ENAH: variants seen among roughly 807,000 people sequenced by gnomAD.
The protein encoded by ENAH is protein enabled homolog.
Under a neutral mutation model 78.7 loss-of-function variants are expected in ENAH, and 23 were observed. The observed-to-expected ratio is 0.29, with a 90% confidence interval of 0.21 to 0.41. The LOEUF (loss-of-function observed/expected upper bound fraction) is 0.41, where lower values mean the gene tolerates loss of function less well. ENAH is among the 10% of genes least tolerant of loss of function. The probability of loss-of-function intolerance (pLI) is 1.00; values close to 1 mark genes in which losing one functional copy is unlikely to be tolerated. For synonymous variants in ENAH, 226 were observed against 241.0 expected, an observed-to-expected ratio of 0.94 and a Z score of 0.58; for missense variants, 544 against 691.0, an observed-to-expected ratio of 0.79 and a Z score of 2.39.
intron 3 of ENAH, among the ~76,000 whole-genome samples, chr1:225,538,549 T>A (rs2096573376): frequency 6.6e-6 from 1 of 151,582 alleles, no homozygotes; most frequent in African/African-American, 2.4e-5. Context: ...ATCATAAACA[T>A]CTTCCCCCCC....
At chr1:225,611,096 A>T (rs1287439022) in intron 1 of ENAH, among the ~76,000 whole-genome samples, 1 of 152,176 alleles carries the variant, frequency 6.6e-6, no homozygotes, top group Non-Finnish European at 1.5e-5. Context: ...TGACTAGAAG[A>T]GGGCATAAAG....
At chr1:225,539,266 T>C (rs1047496619) in intron 3 of ENAH, among the ~76,000 whole-genome samples, 9 of 152,226 alleles carry the variant, frequency 5.9e-5, no homozygotes, top group Admixed American at 3.9e-4. Flanking sequence ...TGCTTAGTCA[T>C]GTTCAGGGTG....
At chr1:225,506,547 G>A (rs555087011) in intron 11 of ENAH, among the ~76,000 whole-genome samples, 8 of 152,262 alleles carry the variant, frequency 5.3e-5, no homozygotes, top group South Asian at 4.1e-4. Context: ...AAGAAAATCC[G>A]TAACTAGTAG....
intron 1 of ENAH, among the ~76,000 whole-genome samples, chr1:225,641,520 C>G (rs971649971): frequency 7.4e-5 from 11 of 148,154 alleles, no homozygotes; most frequent in Admixed American, 5.4e-4. Context: ...AATGAGTTGC[C>G]GCACACTTCA....
chr1:225,510,672 C>A (rs978379442), intron 10 of ENAH, among the ~76,000 whole-genome samples: 3 of 110,596 alleles, frequency 2.7e-5, no homozygotes, highest in Non-Finnish European at 3.8e-5. Flanking sequence ...GGATTACAAT[C>A]ACAAAAACAA....
intron 3 of ENAH, among the ~76,000 whole-genome samples, chr1:225,551,504 T>C (rs922725691): frequency 1.3e-5 from 2 of 152,150 alleles, no homozygotes; most frequent in East Asian, 1.9e-4. Context: ...CGTGAGCTAG[T>C]AATTTTCAAA....
chr1:225,500,555 C>T (rs553282251), intron 12 of ENAH, among the ~76,000 whole-genome samples: 1 of 152,258 alleles, frequency 6.6e-6, no homozygotes, highest in Admixed American at 6.5e-5. Flanking sequence ...CAAGGTAAGA[C>T]ATTTATTTTT....
chr1:225,606,878 A>G (rs1381243968), intron 1 of ENAH, among the ~76,000 whole-genome samples: 1 of 151,210 alleles, frequency 6.6e-6, no homozygotes, highest in Non-Finnish European at 1.5e-5. Context: ...AATTATTTTC[A>G]ATAAACTTAA....
intron 7 of ENAH, among the ~76,000 whole-genome samples, chr1:225,513,763 G>A (rs571666725): frequency 1.3e-5 from 2 of 152,134 alleles, no homozygotes; most frequent in South Asian, 2.1e-4. Context: ...AGGCTGAGGC[G>A]GGTGGATCAC....
chr1:225,564,297 G>GA (rs551659112), intron 2 of ENAH, among the ~76,000 whole-genome samples: 1 of 148,654 alleles, frequency 6.7e-6, no homozygotes, highest in East Asian at 2.0e-4. Flanking sequence ...GGGGTTTTTT[G>GA]TTTTTTTTTG....
At chr1:225,531,658 T>C (rs372279424) in intron 3 of ENAH, among the ~76,000 whole-genome samples, 3 of 152,216 alleles carry the variant, frequency 2.0e-5, no homozygotes, top group Admixed American at 1.3e-4. Context: ...TCTGAAAGAT[T>C]TGTAGACAAC....
intron 3 of ENAH, among the ~76,000 whole-genome samples, chr1:225,550,374 G>T (rs1048683086): frequency 2.6e-5 from 4 of 152,142 alleles, no homozygotes; most frequent in African/African-American, 9.7e-5. Flanking sequence ...GCAAGGGACA[G>T]GCTTTATTTA....
At chr1:225,540,478 TTC>T (rs1432846875) in intron 3 of ENAH, among the ~76,000 whole-genome samples, 7 of 152,144 alleles carry the variant, frequency 4.6e-5, no homozygotes, top group Admixed American at 2.6e-4. Context: ...GGCATGAGGT[TTC>T]TGATAACTAC....
At chr1:225,500,950 G>T in intron 12 of ENAH, 42 bp downstream of exon 12, 1 of 1,569,970 alleles carries the variant, frequency 6.4e-7, no homozygotes, top group Non-Finnish European at 8.7e-7. Context: ...TTTTTAAAAA[G>T]AAACAAGTAC....
chr1:225,653,464 C>A (rs1052717049), upstream of ENAH, among the ~76,000 whole-genome samples: 10 of 148,168 alleles, frequency 6.7e-5, no homozygotes, highest in African/African-American at 2.5e-4. The surrounding 1 kb of genome is among the most constrained non-coding windows in gnomAD (Gnocchi z 4.3). Context: ...CGGGGTTCCT[C>A]GCCCGTGGTT....
At chr1:225,544,191 A>C (rs751187550) in intron 3 of ENAH, among the ~76,000 whole-genome samples, 1 of 152,256 alleles carries the variant, frequency 6.6e-6, no homozygotes, top group Admixed American at 6.5e-5. Flanking sequence ...CAGAGGTATC[A>C]CAATTTTTGA....
intron 12 of ENAH, among the ~76,000 whole-genome samples, chr1:225,498,670 G>A (rs924772381): frequency 5.9e-5 from 9 of 152,174 alleles, no homozygotes; most frequent in Admixed American, 1.3e-4. Context: ...CCAGTGAAAC[G>A]TATGAGTCAG....
intron 1 of ENAH, among the ~76,000 whole-genome samples, chr1:225,628,266 A>C (rs1056970063): frequency 6.6e-6 from 1 of 152,222 alleles, no homozygotes; most frequent in African/African-American, 2.4e-5. Flanking sequence ...CACTTTTGGA[A>C]AGCATTTTGG....
At chr1:225,519,677 G>A (rs2096452754) in intron 4 of ENAH, 112 bp from the exon 5 acceptor site, 1 of 1,451,278 alleles carries the variant, frequency 6.9e-7, no homozygotes, top group African/African-American at 1.4e-5. Flanking sequence ...GCAATGTAGA[G>A]CATGCAAACA....
Sources: gnomAD v4.1 joint callset for allele counts (sites outside exome capture counted in the v4.1 genomes callset) on GRCh38, gnomAD v4.1.1 for gene constraint, Gnocchi (gnomAD v3.1) non-coding constraint, MANE v1.5 for transcripts, NCBI Gene and HGNC (gene_info 2026-07-23, HGNC 2026-07-21) for gene names.